The following TENM2 variants were observed in gnomAD, a reference collection of about 807,000 sequenced individuals.
The protein encoded by TENM2 is teneurin-2.
TENM2 carries 52 observed loss-of-function variants against 245.2 expected under a neutral mutation model. The observed-to-expected ratio is 0.21, with a 90% CI of 0.17 to 0.27. The LOEUF is 0.27. TENM2 is among the 10% of genes least tolerant of loss of function. The pLI is 1.00. For missense variants in TENM2, 3,046 were observed against 3,666.8 expected (o/e 0.83, Z 4.37); for synonymous variants, 1,363 against 1,438.9 (o/e 0.95, Z 1.19).
At chr5:167,755,098 T>C in intron 2 of TENM2, 1 of 1,598,974 alleles carries the variant, frequency 6.3e-7, no homozygotes. Flanking sequence ...CTGGCACAAT[T>C]GAATGCAAGC....
chr5:167,812,165 C>T (rs1766692054), intron 2 of TENM2, among the ~76,000 whole-genome samples: 1 of 152,084 alleles, frequency 6.6e-6, no homozygotes, highest in South Asian at 2.1e-4. Context: ...ATGAGATCAT[C>T]CAATAAAATG....
At chr5:167,217,470 C>G in the TENM2 span, among the ~76,000 whole-genome samples, 1,021 of 151,930 alleles carry the variant, frequency 6.7e-3, 11 homozygotes, top group African/African-American at 0.023. Context: ...ACTTGAAAAC[C>G]CTTGTGATTG....
chr5:167,893,516 T>G (rs1774928730), intron 3 of TENM2, among the ~76,000 whole-genome samples: 1 of 152,150 alleles, frequency 6.6e-6, no homozygotes, highest in South Asian at 2.1e-4. Flanking sequence ...GTTTATCTTT[T>G]CCTTTTGGCT....
intron 9 of TENM2, among the ~76,000 whole-genome samples, chr5:168,115,997 G>T (rs1470130533): frequency 6.6e-6 from 1 of 152,142 alleles, no homozygotes; most frequent in Non-Finnish European, 1.5e-5. Context: ...GGAGGAACTG[G>T]CATGGAACAA....
intron 2 of TENM2, among the ~76,000 whole-genome samples, chr5:167,819,655 C>T (rs1479655319): frequency 1.3e-5 from 2 of 152,194 alleles, no homozygotes; most frequent in Non-Finnish European, 2.9e-5. Context: ...TTACCTTTAC[C>T]GTGCCAGGGT....
intron 12 of TENM2, among the ~76,000 whole-genome samples, chr5:168,150,978 A>G (rs1405292497): frequency 2.0e-5 from 3 of 152,196 alleles, no homozygotes; most frequent in African/African-American, 4.8e-5. Flanking sequence ...ATTGCTGAGC[A>G]TGGACAAATG....
chr5:168,227,908 C>T (rs764299115), exon 25 of TENM2: 5 of 1,594,686 alleles, frequency 3.1e-6, no homozygotes, highest in Middle Eastern at 1.7e-4. Context: ...AAGTTCGGAA[C>T]AGCTACCAGC....
chr5:167,737,663 A>G (rs1010149433), intron 2 of TENM2, among the ~76,000 whole-genome samples: 7 of 152,166 alleles, frequency 4.6e-5, no homozygotes, highest in African/African-American at 1.7e-4. Context: ...TCAAGGCTCT[A>G]CATAATTAAG....
chr5:167,952,624 C>G (rs752281566), exon 4 of TENM2: 1 of 1,612,540 alleles, frequency 6.2e-7, no homozygotes, highest in Admixed American at 1.7e-5. Context: ...ACTCTGAGGC[C>G]CCCTCTCCCA....
intron 2 of TENM2, among the ~76,000 whole-genome samples, chr5:167,774,076 C>G (rs10475860): frequency 0.036 from 5,221 of 145,394 alleles, 286 homozygotes; most frequent in African/African-American, 0.12. Flanking sequence ...AAGCTTGGTT[C>G]TTACATTGCT....
At chr5:167,297,779 T>G (rs1036731124) in intron 1 of TENM2, among the ~76,000 whole-genome samples, 1 of 151,176 alleles carries the variant, frequency 6.6e-6, no homozygotes, top group African/African-American at 2.4e-5. Context: ...TTTGGGTAGG[T>G]AAAGGAAAAT....
chr5:168,152,114 A>G (rs1000051299), intron 12 of TENM2, among the ~76,000 whole-genome samples: 1 of 152,160 alleles, frequency 6.6e-6, no homozygotes, highest in Non-Finnish European at 1.5e-5. Context: ...CACCTATAAA[A>G]CAGGAATAAT....
chr5:168,095,843 G>A (rs1793321253), intron 8 of TENM2, among the ~76,000 whole-genome samples: 1 of 152,202 alleles, frequency 6.6e-6, no homozygotes, highest in Non-Finnish European at 1.5e-5. Context: ...ATGGGTCAGA[G>A]ACAAGGGACT....
intron 4 of TENM2, among the ~76,000 whole-genome samples, chr5:167,970,060 C>G (rs1781662120): frequency 1.3e-5 from 2 of 152,210 alleles, no homozygotes; most frequent in Non-Finnish European, 2.9e-5. Flanking sequence ...GCTCATATTG[C>G]CTGATTGTAA....
chr5:167,126,668 G>A, the TENM2 span, among the ~76,000 whole-genome samples: 1 of 152,132 alleles, frequency 6.6e-6, no homozygotes, highest in African/African-American at 2.4e-5. Flanking sequence ...TCACCAGATA[G>A]ATCTGCTTGG....
chr5:167,810,413 A>AT (rs922644346), intron 2 of TENM2, among the ~76,000 whole-genome samples: 1 of 151,602 alleles, frequency 6.6e-6, no homozygotes, highest in Non-Finnish European at 1.5e-5. Context: ...TTAAATCTTC[A>AT]TTTTTTCCCC....
At chr5:168,040,888 G>A (rs990931626) in intron 5 of TENM2, among the ~76,000 whole-genome samples, 3 of 152,178 alleles carry the variant, frequency 2.0e-5, no homozygotes, top group African/African-American at 7.2e-5. Flanking sequence ...AAGTTGCCGA[G>A]CAGATTTATT....
chr5:168,065,641 T>G (rs1790428672), intron 7 of TENM2, among the ~76,000 whole-genome samples: 1 of 152,102 alleles, frequency 6.6e-6, no homozygotes, highest in Admixed American at 6.5e-5. Context: ...AATAAATTAA[T>G]TTCTAGTTTC....
At chr5:167,212,709 G>A in the TENM2 span, among the ~76,000 whole-genome samples, 1 of 152,262 alleles carries the variant, frequency 6.6e-6, no homozygotes, top group African/African-American at 2.4e-5. Flanking sequence ...AGAAGCTGAA[G>A]CCTTTCATTG....
Sources: gnomAD v4.1 joint callset for allele counts (sites outside exome capture counted in the v4.1 genomes callset) on GRCh38, gnomAD v4.1.1 for gene constraint, MANE v1.5 for transcripts, NCBI Gene and HGNC (gene_info 2026-07-23, HGNC 2026-07-21) for gene names.